The following VWA3B variants were observed in gnomAD, a reference collection of about 807,000 sequenced individuals.
VWA3B encodes the protein von Willebrand factor A domain containing 3B.
In VWA3B, 138 loss-of-function variants were observed where a neutral mutation model predicts 158.3. That is an observed-to-expected ratio of 0.87 (90% confidence interval 0.76 to 1.00). The LOEUF (loss-of-function observed/expected upper bound fraction) is 1.00, where lower values mean the gene tolerates loss of function less well. Among genes scored for constraint, VWA3B ranks in the 50% least tolerant of loss-of-function variants. VWA3B has a pLI of 0.00. For synonymous variants in VWA3B, 596 were observed against 587.3 expected, an observed-to-expected ratio of 1.01 and a Z score of -0.21; for missense variants, 1,555 against 1,565.1, an observed-to-expected ratio of 0.99 and a Z score of 0.11.
intron 5 of VWA3B, among the ~76,000 whole-genome samples, chr2:98,124,201 C>T (rs1307185200): frequency 2.0e-5 from 3 of 152,174 alleles, no homozygotes; most frequent in Admixed American, 2.0e-4. Flanking sequence ...TGATGCCTAA[C>T]AAGGGCTCTA....
intron 11 of VWA3B, 120 bp downstream of exon 11, chr2:98,193,156 C>T (rs1340507304): frequency 3.1e-6 from 4 of 1,286,442 alleles, no homozygotes; most frequent in Admixed American, 4.8e-5. Flanking sequence ...AGAAGTACTC[C>T]CTTTTGTTAG....
At chr2:98,194,116 G>A (rs187272841) in intron 11 of VWA3B, among the ~76,000 whole-genome samples, 47 of 151,820 alleles carry the variant, frequency 3.1e-4, no homozygotes, top group Admixed American at 5.2e-4. Context: ...TTACATATAC[G>A]TGACATATAT....
chr2:98,266,321 G>T (rs939760023), intron 21 of VWA3B, among the ~76,000 whole-genome samples: 1 of 151,474 alleles, frequency 6.6e-6, no homozygotes, highest in Non-Finnish European at 1.5e-5. Flanking sequence ...CCCATTGCTT[G>T]TTTTTCTCAG....
At chr2:98,140,467 G>A (rs1239304445) in intron 7 of VWA3B, among the ~76,000 whole-genome samples, 3 of 152,200 alleles carry the variant, frequency 2.0e-5, no homozygotes, top group African/African-American at 7.2e-5. Flanking sequence ...TTGGCTTTCA[G>A]CCCAGCATTG....
chr2:98,294,081 C>G (rs1025674114), intron 23 of VWA3B, among the ~76,000 whole-genome samples: 1 of 151,668 alleles, frequency 6.6e-6, no homozygotes, highest in Admixed American at 6.6e-5. Flanking sequence ...TAAGTGATGT[C>G]ATGGCCCTCT....
At chr2:98,263,264 G>T (rs1687593405) in intron 21 of VWA3B, among the ~76,000 whole-genome samples, 1 of 151,558 alleles carries the variant, frequency 6.6e-6, no homozygotes, top group Non-Finnish European at 1.5e-5. Flanking sequence ...TCTTTTTCTT[G>T]CCTAATTTCT....
At chr2:98,247,044 C>A (rs552813751) in intron 19 of VWA3B, among the ~76,000 whole-genome samples, 36 of 152,034 alleles carry the variant, frequency 2.4e-4, no homozygotes, top group African/African-American at 8.4e-4. Flanking sequence ...GTCGCCCAGG[C>A]TGCAGTGTAG....
intron 26 of VWA3B, among the ~76,000 whole-genome samples, chr2:98,305,202 C>T (rs552953712): frequency 6.6e-5 from 10 of 152,306 alleles, no homozygotes; most frequent in African/African-American, 2.4e-4. Flanking sequence ...TCACTGCCTC[C>T]ATGACTCCCT....
At chr2:98,243,189 A>G (rs1459596472) in intron 19 of VWA3B, among the ~76,000 whole-genome samples, 2 of 152,108 alleles carry the variant, frequency 1.3e-5, no homozygotes, top group South Asian at 2.1e-4. Flanking sequence ...TCAACCACCT[A>G]TCCATGAACA....
At position 98,228,278 on chromosome 2, in the gene VWA3B, C is replaced by G; in HGVS notation, c.2096C>G (p.Ser699Cys). 1 of 1,614,064 alleles carries G rather than the reference C, an allele frequency of 6.2e-7. No homozygotes were observed. ...CTGGAGAAGATGCAAGACCTTTATT[C>G]TGAGTCCTTGATCATGGACTGGTGG... Reference protein sequence around the residue: ...SDLEKMQDLYSESLIMDWWYN... With the variant: ...SDLEKMQDLYCESLIMDWWYN... Residue 699 changes from serine to cysteine, a missense_variant, in exon 15 of 28, where the codon TCT becomes TGT. Ser to Cys is a moderately radical substitution (Grantham distance 112, BLOSUM62 -1). Coordinates refer to ENST00000477737, the MANE Select transcript of VWA3B (RefSeq NM_144992.5).
intron 19 of VWA3B, among the ~76,000 whole-genome samples, chr2:98,244,726 A>T (rs142436428): frequency 6.6e-5 from 10 of 152,310 alleles, no homozygotes; most frequent in African/African-American, 2.2e-4. Flanking sequence ...GAGGAAAGAC[A>T]CACAACAAAA....
chr2:98,088,540 C>T (rs898299793), intron 1 of VWA3B, among the ~76,000 whole-genome samples: 2 of 152,134 alleles, frequency 1.3e-5, no homozygotes, highest in East Asian at 3.9e-4. Context: ...TTTACACTTC[C>T]TCCTTCTTCT....
chr2:98,133,313 T>C (rs1275078573), intron 6 of VWA3B, among the ~76,000 whole-genome samples: 1 of 152,178 alleles, frequency 6.6e-6, no homozygotes, highest in Non-Finnish European at 1.5e-5. Flanking sequence ...TCATTCGTGC[T>C]TAAGCCTGGC....
chr2:98,252,860 A>G (rs1372438281), intron 20 of VWA3B, among the ~76,000 whole-genome samples: 1 of 152,188 alleles, frequency 6.6e-6, no homozygotes, highest in Non-Finnish European at 1.5e-5. Context: ...TCAGTGAGTG[A>G]ATCTGGAAAA....
chr2:98,206,622 A>G, intron 12 of VWA3B: 2 of 409,588 alleles, frequency 4.9e-6, no homozygotes, highest in Admixed American at 6.0e-5. Context: ...GGTCCCATCA[A>G]AATGAAACAG....
chr2:98,324,610 A>G, the VWA3B span, among the ~76,000 whole-genome samples: 4 of 152,248 alleles, frequency 2.6e-5, no homozygotes, highest in African/African-American at 9.6e-5. Context: ...AACAAAAATA[A>G]CAAGTCTTCT....
chr2:98,245,119 T>G (rs1212768321), intron 19 of VWA3B, among the ~76,000 whole-genome samples: 1 of 152,122 alleles, frequency 6.6e-6, no homozygotes, highest in Non-Finnish European at 1.5e-5. Context: ...AGGTAATACC[T>G]TAAGCCTCCC....
At chr2:98,216,988 C>CCCCG (rs546622410) in intron 13 of VWA3B, 127 of 1,250,520 alleles carry the variant, frequency 1.0e-4, no homozygotes, top group Middle Eastern at 3.2e-4. Flanking sequence ...AAGCACCCGC[C>CCCCG]CCGCACCCAG....
chr2:98,162,114 C>T (rs987620626), intron 7 of VWA3B, among the ~76,000 whole-genome samples: 5 of 152,118 alleles, frequency 3.3e-5, no homozygotes, highest in African/African-American at 9.7e-5. Context: ...GACCTCTCAC[C>T]GTGCACCTCT....
Sources: gnomAD v4.1 joint callset for allele counts (sites outside exome capture counted in the v4.1 genomes callset) on GRCh38, gnomAD v4.1.1 for gene constraint, MANE v1.5 for transcripts, NCBI Gene and HGNC (gene_info 2026-07-23, HGNC 2026-07-21) for gene names.